The following GRM5 variants were observed in gnomAD, a reference collection of about 807,000 sequenced individuals.
GRM5 encodes glutamate metabotropic receptor 5.
GRM5 carries 19 observed loss-of-function variants against 83.1 expected under a neutral mutation model. The observed-to-expected ratio is 0.23, with a 90% CI of 0.16 to 0.34. The LOEUF (loss-of-function observed/expected upper bound fraction) is 0.34, where lower values mean the gene tolerates loss of function less well. Among genes scored for constraint, GRM5 ranks in the 10% least tolerant of loss-of-function variants. GRM5 has a pLI of 1.00. For missense variants in GRM5, 1,160 were observed against 1,588.3 expected (o/e 0.73, Z 4.58); for synonymous variants, 675 against 633.6 (o/e 1.07, Z -0.98).
At chr11:88,649,539 C>T (rs181960721) in intron 4 of GRM5, among the ~76,000 whole-genome samples, 108 of 145,064 alleles carry the variant, frequency 7.4e-4, no homozygotes, top group African/African-American at 2.5e-3. Flanking sequence ...ATTTTATTTG[C>T]TAATTTTATT....
At chr11:88,751,379 C>T (rs1334384511) in intron 3 of GRM5, among the ~76,000 whole-genome samples, 1 of 152,124 alleles carries the variant, frequency 6.6e-6, no homozygotes, top group Non-Finnish European at 1.5e-5. Flanking sequence ...TTTCTGGACA[C>T]ATACACCCTC....
At chr11:88,930,588 A>T (rs1937671675) in intron 2 of GRM5, among the ~76,000 whole-genome samples, 1 of 151,978 alleles carries the variant, frequency 6.6e-6, no homozygotes, top group South Asian at 2.1e-4. Context: ...CAATGGTGAG[A>T]TCACTGCAAC....
At chr11:88,753,391 A>G (rs1382462576) in intron 3 of GRM5, among the ~76,000 whole-genome samples, 2 of 152,190 alleles carry the variant, frequency 1.3e-5, no homozygotes, top group African/African-American at 2.4e-5. Context: ...AATCAAAACC[A>G]CAATGAGATA....
intron 2 of GRM5, chr11:88,925,908 C>A: frequency 3.6e-6 from 1 of 281,428 alleles, no homozygotes. Context: ...CACTCAGTCT[C>A]AAAAAAAATA....
intron 4 of GRM5, among the ~76,000 whole-genome samples, chr11:88,644,500 C>G (rs1028348093): frequency 6.6e-6 from 1 of 152,064 alleles, no homozygotes; most frequent in African/African-American, 2.4e-5. Flanking sequence ...GCATGCTGGT[C>G]TAACAATTTG....
intron 3 of GRM5, among the ~76,000 whole-genome samples, chr11:88,842,195 TTTC>T (rs1944216000): frequency 6.6e-6 from 1 of 152,290 alleles, no homozygotes; most frequent in South Asian, 2.1e-4. Flanking sequence ...TCACACATAT[TTTC>T]TTATTTTTAA....
chr11:88,964,261 C>T (rs971437735), intron 2 of GRM5, among the ~76,000 whole-genome samples: 4 of 151,974 alleles, frequency 2.6e-5, no homozygotes, highest in Admixed American at 2.0e-4. Flanking sequence ...TAGCAAAAAT[C>T]GAATTAAGGA....
intron 7 of GRM5, among the ~76,000 whole-genome samples, chr11:88,584,858 T>C (rs1943283362): frequency 6.6e-6 from 1 of 152,346 alleles, no homozygotes; most frequent in Admixed American, 6.5e-5. Flanking sequence ...CTGGTTTTGT[T>C]CATAGAAATA....
chr11:88,757,905 T>G (rs528589525), intron 3 of GRM5, among the ~76,000 whole-genome samples: 43 of 152,190 alleles, frequency 2.8e-4, no homozygotes, highest in African/African-American at 9.1e-4. Flanking sequence ...GTAGTTGGTT[T>G]CTAACCTTGA....
intron 2 of GRM5, among the ~76,000 whole-genome samples, chr11:89,026,956 G>C (rs1941141937): frequency 6.6e-6 from 1 of 152,076 alleles, no homozygotes; most frequent in African/African-American, 2.4e-5. Context: ...ATTGCACATG[G>C]GACAGAAGAA....
intron 4 of GRM5, among the ~76,000 whole-genome samples, chr11:88,607,912 T>C (rs72639174): frequency 6.6e-6 from 1 of 152,224 alleles, no homozygotes; most frequent in African/African-American, 2.4e-5. Flanking sequence ...GGTCTGATAA[T>C]GTAACTTACT....
chr11:88,902,133 A>T (rs1945322993), intron 2 of GRM5, among the ~76,000 whole-genome samples: 1 of 151,876 alleles, frequency 6.6e-6, no homozygotes, highest in African/African-American at 2.4e-5. Flanking sequence ...CAGACTGCCT[A>T]AGGGCAGAGA....
At chr11:88,987,280 C>G (rs1453619522) in intron 2 of GRM5, among the ~76,000 whole-genome samples, 1 of 152,134 alleles carries the variant, frequency 6.6e-6, no homozygotes, top group Non-Finnish European at 1.5e-5. Context: ...TCACTCCCAC[C>G]CAAATACTGC....
At chr11:88,787,131 A>ATGTG (rs57116541) in intron 3 of GRM5, among the ~76,000 whole-genome samples, 2,241 of 143,392 alleles carry the variant, frequency 0.016, 20 homozygotes, top group Middle Eastern at 0.021. Context: ...ATATGATATG[A>ATGTG]TGTGTGTGTG....
At chr11:88,807,845 G>C (rs16914919) in intron 3 of GRM5, among the ~76,000 whole-genome samples, 5 of 151,988 alleles carry the variant, frequency 3.3e-5, no homozygotes, top group African/African-American at 1.2e-4. Context: ...GAGAAACTGA[G>C]TTATACGTAT....
chr11:88,589,528 G>C (rs1276626725), intron 7 of GRM5, among the ~76,000 whole-genome samples: 1 of 152,132 alleles, frequency 6.6e-6, no homozygotes, highest in East Asian at 1.9e-4. Flanking sequence ...TTTTAAATAA[G>C]TGAATACAAC....
intron 3 of GRM5, among the ~76,000 whole-genome samples, chr11:88,745,574 T>C (rs759002019): frequency 6.6e-6 from 1 of 152,190 alleles, no homozygotes; most frequent in Non-Finnish European, 1.5e-5. Context: ...GCCTTGTAGA[T>C]CTTGTAACTT....
chr11:88,986,011 G>A (rs1483446307), intron 2 of GRM5, among the ~76,000 whole-genome samples: 2 of 151,970 alleles, frequency 1.3e-5, no homozygotes, highest in Non-Finnish European at 2.9e-5. Flanking sequence ...CCCACCAATT[G>A]CAATCCTGGG....
At chr11:88,523,605 A>C (rs1941765290) in intron 9 of GRM5, among the ~76,000 whole-genome samples, 1 of 152,208 alleles carries the variant, frequency 6.6e-6, no homozygotes, top group Non-Finnish European at 1.5e-5. Flanking sequence ...AGGCCATCAG[A>C]TACACCAAAG....
Sources: gnomAD v4.1 joint callset for allele counts (sites outside exome capture counted in the v4.1 genomes callset) on GRCh38, gnomAD v4.1.1 for gene constraint, MANE v1.5 for transcripts, NCBI Gene and HGNC (gene_info 2026-07-23, HGNC 2026-07-21) for gene names.